Variants in NYAP2 observed in about 807,000 individuals in gnomAD.
The protein encoded by NYAP2 is neuronal tyrosine-phosphorylated phosphoinositide-3-kinase adapter 2.
Under a neutral mutation model 50.4 loss-of-function variants are expected in NYAP2, and 23 were observed. That is an observed-to-expected ratio of 0.46 (90% CI 0.33 to 0.65). NYAP2 has a LOEUF of 0.65. NYAP2 is among the 30% of genes least tolerant of loss of function. The pLI is 0.02. For synonymous variants in NYAP2, 394 were observed against 365.2 expected, an observed-to-expected ratio of 1.08 and a Z score of -0.90; for missense variants, 885 against 861.0, an observed-to-expected ratio of 1.03 and a Z score of -0.35.
At chr2:225,454,150 C>T (rs1167039638) in intron 3 of NYAP2, among the ~76,000 whole-genome samples, 2 of 151,814 alleles carry the variant, frequency 1.3e-5, no homozygotes, top group African/African-American at 4.8e-5. Context: ...ATAGCGAGAC[C>T]CTATCTGCAC....
chr2:225,580,607 CTAGAAAGGTGAAA>C (rs1315596310), intron 4 of NYAP2, among the ~76,000 whole-genome samples: 1 of 152,156 alleles, frequency 6.6e-6, no homozygotes, highest in Non-Finnish European at 1.5e-5. Context: ...CAGGGGTGAT[CTAGAAAGGTGAAA>C]TACATAGTCA....
intron 3 of NYAP2, among the ~76,000 whole-genome samples, chr2:225,469,550 A>G (rs530250574): frequency 2.6e-5 from 4 of 152,096 alleles, no homozygotes; most frequent in South Asian, 2.1e-4. Flanking sequence ...ACACATGCAT[A>G]CTATGTTTAT....
chr2:225,583,074 G>T, intron 5 of NYAP2, 39 bp downstream of exon 5: 10 of 1,585,364 alleles, frequency 6.3e-6, no homozygotes, highest in Non-Finnish European at 8.6e-6. Flanking sequence ...AGAGCCCAGT[G>T]CCAGGCTTAC....
At chr2:225,485,867 G>A (rs1366412694) in intron 3 of NYAP2, among the ~76,000 whole-genome samples, 1 of 152,168 alleles carries the variant, frequency 6.6e-6, no homozygotes. Context: ...AGTTTTTGCT[G>A]ATGCAGCTGC....
intron 3 of NYAP2, among the ~76,000 whole-genome samples, chr2:225,463,794 G>T (rs1467162039): frequency 1.3e-5 from 2 of 152,208 alleles, no homozygotes; most frequent in Non-Finnish European, 1.5e-5. Context: ...GCAATAGCAG[G>T]ATAAGCACAG....
rs531249862 is a variant in NYAP2, at chr2:225,485,748, T to C, written c.222-27623T>C. Among the ~76,000 whole-genome samples, 49 of 152,290 alleles carry C rather than the reference T, an allele frequency of 3.2e-4. 2 individuals carry two copies. In the South Asian group the frequency reaches 9.4e-3, roughly 29 times the overall value. ...AGGGAGAGATGGATATTTTCCAAAT[T>C]GCTCAAATGACTTGGGCAAAAGAGG... On this transcript the variant is annotated intron_variant, in intron 3 of 6. Transcript: ENST00000636099.
chr2:225,492,472 C>T (rs1202889460), intron 3 of NYAP2, among the ~76,000 whole-genome samples: 1 of 152,180 alleles, frequency 6.6e-6, no homozygotes, highest in Non-Finnish European at 1.5e-5. Context: ...TGGTAATAAA[C>T]TTGTCACATA....
intron 3 of NYAP2, among the ~76,000 whole-genome samples, chr2:225,471,660 A>G (rs954278518): frequency 1.3e-5 from 2 of 152,206 alleles, no homozygotes; most frequent in African/African-American, 4.8e-5. Flanking sequence ...GTCTTAGATA[A>G]AGTGCTTTAT....
chr2:225,561,848 T>A (rs866672170), intron 4 of NYAP2, among the ~76,000 whole-genome samples: 11 of 152,130 alleles, frequency 7.2e-5, no homozygotes, highest in South Asian at 2.1e-4. Flanking sequence ...AAATGTTAAA[T>A]CATGTGCTCA....
downstream of NYAP2, among the ~76,000 whole-genome samples, chr2:225,657,835 T>C (rs925236913): frequency 3.3e-5 from 5 of 152,094 alleles, no homozygotes; most frequent in African/African-American, 1.2e-4. Context: ...AGACTAAGGT[T>C]TTACAGTCCA....
Position 225,546,668 on chromosome 2 carries a change from T to C in NYAP2, c.523+32996T>C, listed in dbSNP as rs1213081338. 2.6e-5 allele frequency among the ~76,000 whole-genome samples: 4 copies of C among 152,236 alleles called. No individual in the cohort carries two copies. In the East Asian group the frequency reaches 7.8e-4, roughly 30 times the overall value. On this transcript the variant is annotated intron_variant, in intron 4 of 6. Transcript: ENST00000636099. ...GAATCAGGGACCCCAGTGGTTCACT[T>C]GGTACTCTGCCCAACTGTGGCCAAG...
At chr2:225,700,395 C>T in the NYAP2 span, 2 of 151,490 alleles carry the variant, frequency 1.3e-5, no homozygotes, top group East Asian at 3.9e-4. Flanking sequence ...GCAGGTTCTG[C>T]TTGTATAATT....
At position 225,582,041 on chromosome 2, in the gene NYAP2, T is replaced by A; in HGVS notation, c.624T>A (p.Asp208Glu). The A allele has an allele frequency of 6.2e-7, 1 of 1,614,004 alleles. No homozygotes were observed. Among genetic ancestry groups the A allele is most frequent in the Non-Finnish European group, 8.5e-7 (1 of 1,179,900 alleles). The change falls in exon 5 of 7, where the codon GAT becomes GAA. Residue 208 changes from aspartate (D) to glutamate (E), a missense_variant. Asp to Glu is a conservative substitution (Grantham distance 45, BLOSUM62 2). Transcript: ENST00000636099. The surrounding 1 kb of genome is among the most constrained non-coding windows in gnomAD (Gnocchi z 7.0). ...ACACTCAGCTGAGCACATCTTTCGA[T>A]GAAACGTACATCAAAAAGCATGGGC...
intron 5 of NYAP2, among the ~76,000 whole-genome samples, chr2:225,588,820 T>A (rs1455532279): frequency 6.6e-6 from 1 of 152,144 alleles, no homozygotes; most frequent in East Asian, 1.9e-4. Flanking sequence ...CACACAAAGG[T>A]GGTATCATTG....
chr2:225,523,836 A>G (rs967714089), intron 4 of NYAP2, among the ~76,000 whole-genome samples: 2 of 152,206 alleles, frequency 1.3e-5, no homozygotes, highest in African/African-American at 4.8e-5. Context: ...CCAAAACAGC[A>G]TGGTACTGGT....
chr2:225,576,416 A>G (rs547739102), intron 4 of NYAP2, among the ~76,000 whole-genome samples: 13 of 152,200 alleles, frequency 8.5e-5, no homozygotes, highest in South Asian at 6.2e-4. Context: ...AAACATCTTA[A>G]TTAAAAAAAA....
At chr2:225,414,342 G>A (rs964548807) in intron 3 of NYAP2, among the ~76,000 whole-genome samples, 39 of 152,104 alleles carry the variant, frequency 2.6e-4, no homozygotes, top group Admixed American at 2.6e-3. Context: ...AATGGAGAAT[G>A]AAAAAATATT....
intron 4 of NYAP2, among the ~76,000 whole-genome samples, chr2:225,562,914 AT>A (rs1250720816): frequency 6.6e-6 from 1 of 152,160 alleles, no homozygotes; most frequent in African/African-American, 2.4e-5. Context: ...AGATTATCAC[AT>A]TATCATTTGT....
chr2:225,638,796 C>T (rs1255308673), intron 6 of NYAP2, among the ~76,000 whole-genome samples: 1 of 152,150 alleles, frequency 6.6e-6, no homozygotes. Flanking sequence ...CCCCATCTCT[C>T]CTGCTCTCTC....
Sources: gnomAD v4.1 joint callset for allele counts (sites outside exome capture counted in the v4.1 genomes callset) on GRCh38, gnomAD v4.1.1 for gene constraint, Gnocchi (gnomAD v3.1) non-coding constraint, MANE v1.5 for transcripts, NCBI Gene and HGNC (gene_info 2026-07-23, HGNC 2026-07-21) for gene names.